NRXN3: variants seen among roughly 807,000 people sequenced by gnomAD.
NRXN3 encodes the protein neurexin III.
NRXN3 carries 32 observed loss-of-function variants against 137.6 expected under a neutral mutation model. The ratio of observed to expected loss-of-function variants is 0.23; its 90% CI spans 0.18 to 0.31. The LOEUF (loss-of-function observed/expected upper bound fraction) is 0.31, where lower values mean the gene tolerates loss of function less well. Among genes scored for constraint, NRXN3 ranks in the 10% least tolerant of loss-of-function variants. The probability of loss-of-function intolerance (pLI) is 1.00; values close to 1 mark genes in which losing one functional copy is unlikely to be tolerated. For synonymous variants in NRXN3, 798 were observed against 784.5 expected, an observed-to-expected ratio of 1.02 and a Z score of -0.29; for missense variants, 1,574 against 2,062.5, an observed-to-expected ratio of 0.76 and a Z score of 4.59.
chr14:79,583,834 G>GA (rs2097741075), intron 16 of NRXN3, among the ~76,000 whole-genome samples: 1 of 152,130 alleles, frequency 6.6e-6, no homozygotes, highest in South Asian at 2.1e-4. Context: ...AAGGAATTCA[G>GA]CAAAAGGATG....
intron 8 of NRXN3, among the ~76,000 whole-genome samples, chr14:78,717,248 A>C (rs1221442796): frequency 6.6e-6 from 1 of 152,182 alleles, no homozygotes; most frequent in Non-Finnish European, 1.5e-5. Context: ...AGGGTGAATC[A>C]ACGGGAGTTG....
chr14:78,742,563 G>A (rs1051109246), intron 8 of NRXN3, among the ~76,000 whole-genome samples: 5 of 152,194 alleles, frequency 3.3e-5, no homozygotes, highest in African/African-American at 1.2e-4. Context: ...CCAAAGGTAT[G>A]TAGTGTGTGA....
chr14:79,788,257 C>A (rs12897340), intron 19 of NRXN3, among the ~76,000 whole-genome samples: 51,050 of 152,010 alleles, frequency 0.34, 8,792 homozygotes, highest in Admixed American at 0.41. Context: ...ACCGGGTTCC[C>A]TCCCATGACA....
intron 15 of NRXN3, among the ~76,000 whole-genome samples, chr14:79,405,273 A>T (rs2095287446): frequency 6.6e-6 from 1 of 152,178 alleles, no homozygotes; most frequent in African/African-American, 2.4e-5. Flanking sequence ...GGTAGAGCAC[A>T]TAGTAAGGCC....
At chr14:79,252,785 G>A (rs2076108158) in intron 15 of NRXN3, among the ~76,000 whole-genome samples, 2 of 152,174 alleles carry the variant, frequency 1.3e-5, no homozygotes, top group Admixed American at 6.5e-5. Flanking sequence ...ACTCACTTGT[G>A]GAGCTAGAAC....
chr14:79,461,388 A>C (rs948985376), intron 15 of NRXN3, among the ~76,000 whole-genome samples: 1 of 152,176 alleles, frequency 6.6e-6, no homozygotes, highest in Non-Finnish European at 1.5e-5. Flanking sequence ...CAGATGAGAC[A>C]CTCCAAAAGA....
intron 10 of NRXN3, among the ~76,000 whole-genome samples, chr14:78,873,239 T>C (rs2099105580): frequency 6.6e-6 from 1 of 152,214 alleles, no homozygotes; most frequent in African/African-American, 2.4e-5. Context: ...ATCTTCCAAA[T>C]CTTGTTGACA....
At chr14:78,608,623 A>T (rs915428031) in intron 4 of NRXN3, among the ~76,000 whole-genome samples, 2 of 152,196 alleles carry the variant, frequency 1.3e-5, no homozygotes, top group Non-Finnish European at 2.9e-5. Flanking sequence ...AAGGGTATAT[A>T]TACAGATTTA....
At chr14:79,450,752 G>C (rs34765073) in intron 15 of NRXN3, among the ~76,000 whole-genome samples, 37,734 of 151,778 alleles carry the variant, frequency 0.25, 5,402 homozygotes, top group Admixed American at 0.36. Flanking sequence ...TGTAATCCCA[G>C]CTACTTGGGA....
rs559998679 is a variant in NRXN3, at chr14:79,157,342, C to T, written c.3262+169201C>T. 4.6e-5 allele frequency among the ~76,000 whole-genome samples: 7 copies of T among 151,912 alleles called. No individual in the cohort carries two copies. In the South Asian group the frequency reaches 1.2e-3, roughly 27 times the overall value. On this transcript the variant is annotated intron_variant, in intron 15 of 20. Transcript: ENST00000335750. Reference sequence around the variant, plus strand: ...ATATTTTTTGGAGGTTCTGGTCAAGCTCAGTGGTTACTGAAGCTGTCGGGA... The same window carrying T: ...ATATTTTTTGGAGGTTCTGGTCAAGTTCAGTGGTTACTGAAGCTGTCGGGA...
At chr14:78,170,952 C>CTTTTTTTTTT (rs545853025) in intron 1 of NRXN3, among the ~76,000 whole-genome samples, 2 of 126,188 alleles carry the variant, frequency 1.6e-5, no homozygotes, top group African/African-American at 3.1e-5. Context: ...TCTTCTTCTT[C>CTTTTTTTTTT]TTTTTTTTTT....
intron 15 of NRXN3, among the ~76,000 whole-genome samples, chr14:79,300,552 C>T (rs894445128): frequency 7.9e-5 from 12 of 152,016 alleles, no homozygotes; most frequent in Admixed American, 3.3e-4. Flanking sequence ...AGGAGCCTCA[C>T]GTGATATCTC....
At chr14:79,819,612 G>A (rs1420114976) in intron 20 of NRXN3, among the ~76,000 whole-genome samples, 3 of 146,640 alleles carry the variant, frequency 2.0e-5, no homozygotes. Flanking sequence ...AACCGCCTGA[G>A]TAGCTGGGAC....
At chr14:79,643,778 C>A (rs934408079) in intron 16 of NRXN3, among the ~76,000 whole-genome samples, 1 of 135,204 alleles carries the variant, frequency 7.4e-6, no homozygotes, top group African/African-American at 2.5e-5. Context: ...CCTAGATGTC[C>A]TTCAGAACCC....
At chr14:78,736,114 A>G (rs1388492382) in intron 8 of NRXN3, among the ~76,000 whole-genome samples, 1 of 147,386 alleles carries the variant, frequency 6.8e-6, no homozygotes, top group Non-Finnish European at 1.5e-5. Flanking sequence ...ATAGATATTT[A>G]CTACACACAT....
chr14:78,673,613 C>T (rs1483542941), intron 6 of NRXN3, among the ~76,000 whole-genome samples: 1 of 152,208 alleles, frequency 6.6e-6, no homozygotes, highest in Non-Finnish European at 1.5e-5. Flanking sequence ...TCTCATGGTT[C>T]TGGAGGCTGG....
chr14:79,166,323 AC>A (rs2061281912), intron 15 of NRXN3, among the ~76,000 whole-genome samples: 1 of 151,708 alleles, frequency 6.6e-6, no homozygotes, highest in African/African-American at 2.4e-5. Context: ...TAATTTAATC[AC>A]TGACACATCC....
At chr14:79,541,301 G>A (rs998952327) in intron 16 of NRXN3, among the ~76,000 whole-genome samples, 1 of 152,082 alleles carries the variant, frequency 6.6e-6, no homozygotes, top group African/African-American at 2.4e-5. Context: ...GATTCAGGAG[G>A]CCATGGCAAA....
At chr14:78,801,273 A>T (rs1165685845) in intron 8 of NRXN3, among the ~76,000 whole-genome samples, 1 of 152,210 alleles carries the variant, frequency 6.6e-6, no homozygotes, top group East Asian at 1.9e-4. Flanking sequence ...GTGAGCCGAG[A>T]TCGCGCTACA....
Sources: gnomAD v4.1 joint callset for allele counts (sites outside exome capture counted in the v4.1 genomes callset) on GRCh38, gnomAD v4.1.1 for gene constraint, MANE v1.5 for transcripts, NCBI Gene and HGNC (gene_info 2026-07-23, HGNC 2026-07-21) for gene names.